Variants in CLPB observed in about 807,000 individuals in gnomAD.
CLPB encodes ClpB family mitochondrial disaggregase.
In CLPB, 40 loss-of-function variants were observed where a neutral mutation model predicts 78.4. That is an observed-to-expected ratio of 0.51 (90% CI 0.40 to 0.66). CLPB has a LOEUF of 0.66. CLPB is among the 30% of genes least tolerant of loss of function. The pLI is 0.00. For synonymous variants in CLPB, 333 were observed against 348.0 expected (o/e 0.96, Z 0.48); for missense variants, 780 against 886.9 (o/e 0.88, Z 1.53).
At chr11:72,423,591 G>A (rs964821561) in intron 2 of CLPB, among the ~76,000 whole-genome samples, 6 of 152,054 alleles carry the variant, frequency 3.9e-5, no homozygotes, top group African/African-American at 1.4e-4. Flanking sequence ...ATCCAACACA[G>A]ATCTCTACCA....
At chr11:72,363,776 C>G (rs908273062) in intron 4 of CLPB, among the ~76,000 whole-genome samples, 9 of 152,206 alleles carry the variant, frequency 5.9e-5, no homozygotes, top group South Asian at 2.1e-4. Context: ...ATGGCCTCTG[C>G]TCTATCTTCT....
chr11:72,322,480 G>A (rs145790388), intron 6 of CLPB, among the ~76,000 whole-genome samples: 53 of 152,248 alleles, frequency 3.5e-4, no homozygotes, highest in African/African-American at 1.2e-3. Context: ...CACTGCGCCC[G>A]GCAATGACTG....
At chr11:72,427,666 C>A (rs1590937752) in intron 2 of CLPB, among the ~76,000 whole-genome samples, 2 of 152,304 alleles carry the variant, frequency 1.3e-5, no homozygotes, top group East Asian at 3.9e-4. Context: ...ATACAGATTC[C>A]TAGCCTAGGA....
intron 2 of CLPB, among the ~76,000 whole-genome samples, chr11:72,403,980 C>CG: frequency 6.6e-6 from 1 of 152,236 alleles, no homozygotes; most frequent in East Asian, 1.9e-4. Flanking sequence ...TAAGAGTAAT[C>CG]GCCTCTTTTC....
At chr11:72,368,379 G>A (rs544353314) in intron 4 of CLPB, among the ~76,000 whole-genome samples, 3 of 152,200 alleles carry the variant, frequency 2.0e-5, no homozygotes, top group Non-Finnish European at 4.4e-5. Context: ...ATTAAACGAA[G>A]AAACTGACAC....
intron 3 of CLPB, among the ~76,000 whole-genome samples, chr11:72,394,944 G>C (rs1855361867): frequency 6.6e-6 from 1 of 152,136 alleles, no homozygotes; most frequent in Non-Finnish European, 1.5e-5. Context: ...CCATGTTCTT[G>C]GGTTCCCTGC....
In CLPB at chr11:72,285,905, T is replaced by C. The variant is rs1334880855; in HGVS notation, c.*7462A>G. On this transcript the variant is annotated 3_prime_UTR_variant, in exon 16 of 16. Coordinates refer to ENST00000538039, the MANE Select transcript of CLPB (RefSeq NM_001258392.3). ...GAAAAAACAATTGATTTTTGTACAG[T>C]TATCTTTTATTCAGACACTTATCCA... 1 of 152,118 alleles carries C rather than the reference T, an allele frequency of 6.6e-6. No individual in the cohort carries two copies. The highest frequency in any genetic ancestry group is 1.5e-5 in the Non-Finnish European group (1 of 68,028). 9.4% of individuals were successfully genotyped at this position (152,118 alleles called of 1,614,324 possible).
chr11:72,377,398 T>C (rs1854741194), intron 4 of CLPB, among the ~76,000 whole-genome samples: 1 of 152,180 alleles, frequency 6.6e-6, no homozygotes, highest in Non-Finnish European at 1.5e-5. Flanking sequence ...ATAAATACTT[T>C]TGAATAAATA....
At chr11:72,319,064 C>T (rs1950000203) in intron 6 of CLPB, among the ~76,000 whole-genome samples, 1 of 152,186 alleles carries the variant, frequency 6.6e-6, no homozygotes, top group Non-Finnish European at 1.5e-5. Context: ...GGTCAGTTTC[C>T]TCACTTCCCT....
intron 2 of CLPB, among the ~76,000 whole-genome samples, chr11:72,416,605 ACGTGCCT>A (rs1856032047): frequency 2.0e-5 from 3 of 151,840 alleles, no homozygotes; most frequent in Non-Finnish European, 4.4e-5. Context: ...GCATGGTGGC[ACGTGCCT>A]GTAATCCCAG....
intron 2 of CLPB, among the ~76,000 whole-genome samples, chr11:72,415,070 G>T (rs1353742976): frequency 6.6e-6 from 1 of 152,072 alleles, no homozygotes; most frequent in African/African-American, 2.4e-5. Context: ...ACAAAAATTA[G>T]CCAGGCATGG....
At chr11:72,429,947 G>T (rs1477225640) in intron 2 of CLPB, among the ~76,000 whole-genome samples, 1 of 152,182 alleles carries the variant, frequency 6.6e-6, no homozygotes, top group Non-Finnish European at 1.5e-5. Context: ...CATAGATGCC[G>T]ACCTGCAACC....
rs1363937990 is a variant in CLPB at position 72,295,651 on chromosome 11, G to GGGAAGGGAA, written c.1330-12_1330-4dup. ...CCTTTTCCATCTGTCAGCCGGCCCT[G>GGGAAGGGAA]GGAAGGGAAGGAAGGGAGTGTACAG... On this transcript the variant is annotated splice_region_variant and splice_polypyrimidine_tract_variant and intron_variant, in intron 11 of 15. Transcript: ENST00000538039. 6.2e-7 allele frequency: 1 copy of GGGAAGGGAA among 1,613,756 alleles called. No individual in the cohort carries two copies. Among genetic ancestry groups the GGGAAGGGAA allele is most frequent in the East Asian group, 2.2e-5 (1 of 44,878 alleles).
chr11:72,374,200 C>A (rs1951098284), intron 4 of CLPB, among the ~76,000 whole-genome samples: 1 of 152,152 alleles, frequency 6.6e-6, no homozygotes. Context: ...TGCCAAAACC[C>A]ACCTCCATAG....
intron 4 of CLPB, among the ~76,000 whole-genome samples, chr11:72,369,029 G>T (rs1324781025): frequency 1.3e-5 from 2 of 152,094 alleles, no homozygotes; most frequent in African/African-American, 4.8e-5. Flanking sequence ...TTCCCACAGG[G>T]ACCCCAAGCA....
At chr11:72,401,842 T>A (rs929517442) in intron 3 of CLPB, among the ~76,000 whole-genome samples, 1 of 152,198 alleles carries the variant, frequency 6.6e-6, no homozygotes, top group African/African-American at 2.4e-5. Context: ...GTGTACTTCA[T>A]CCCAGCACTT....
Position 72,308,415 on chromosome 11 carries a change from T to C in CLPB, c.1066+112A>G, listed in dbSNP as rs78861860. 61 of 843,810 alleles carry C rather than the reference T, an allele frequency of 7.2e-5. No individual in the cohort carries two copies. In the African/African-American group the frequency reaches 9.2e-4, roughly 13 times the overall value. 52.3% of individuals were successfully genotyped at this position (843,810 alleles called of 1,614,324 possible). On this transcript the variant is annotated intron_variant, in intron 8 of 15. Coordinates refer to ENST00000538039, the MANE Select transcript of CLPB (RefSeq NM_001258392.3). ...GAGGCCGTTGCTTTTAGAGCTCAAG[T>C]TGACCTAGAGCTGGACCTGCTGACC... is the stretch of plus-strand genomic sequence containing the variant.
intron 7 of CLPB, among the ~76,000 whole-genome samples, chr11:72,315,934 G>A (rs1005580377): frequency 6.6e-6 from 1 of 152,154 alleles, no homozygotes. Context: ...TCATGCTTCA[G>A]CTGGGCTGGC....
intron 7 of CLPB, 57 bp downstream of exon 7, chr11:72,317,049 C>G: frequency 1.6e-6 from 2 of 1,254,750 alleles, no homozygotes; most frequent in Non-Finnish European, 2.2e-6. Context: ...TTGGTGACGA[C>G]AGGATGTACC....
Sources: gnomAD v4.1 joint callset for allele counts (sites outside exome capture counted in the v4.1 genomes callset) on GRCh38, gnomAD v4.1.1 for gene constraint, MANE v1.5 for transcripts, NCBI Gene and HGNC (gene_info 2026-07-23, HGNC 2026-07-21) for gene names.